AMBRA1: variants seen among roughly 807,000 people sequenced by gnomAD.
AMBRA1 encodes autophagy and beclin 1 regulator 1.
Under a neutral mutation model 125.4 loss-of-function variants are expected in AMBRA1, and 47 were observed. The ratio of observed to expected loss-of-function variants is 0.37; its 90% CI spans 0.30 to 0.48. The LOEUF is 0.48. Among genes scored for constraint, AMBRA1 ranks in the 20% least tolerant of loss-of-function variants. The probability of loss-of-function intolerance (pLI) is 0.99; values close to 1 mark genes in which losing one functional copy is unlikely to be tolerated. For synonymous variants in AMBRA1, 626 were observed against 655.5 expected, an observed-to-expected ratio of 0.95 and a Z score of 0.69; for missense variants, 1,331 against 1,693.4, an observed-to-expected ratio of 0.79 and a Z score of 3.76.
intron 9 of AMBRA1, among the ~76,000 whole-genome samples, chr11:46,502,031 T>A (rs1413213536): frequency 6.6e-6 from 1 of 152,190 alleles, no homozygotes; most frequent in Non-Finnish European, 1.5e-5. Context: ...CTACAAAAAT[T>A]ATCTGGAAAA....
chr11:46,584,872 G>C (rs1455946928), intron 1 of AMBRA1, among the ~76,000 whole-genome samples: 1 of 152,168 alleles, frequency 6.6e-6, no homozygotes, highest in Non-Finnish European at 1.5e-5. Context: ...AGGAGTTCAA[G>C]ACCAGACTGG....
intron 7 of AMBRA1, among the ~76,000 whole-genome samples, chr11:46,528,439 G>A (rs1238987520): frequency 6.6e-6 from 1 of 152,194 alleles, no homozygotes; most frequent in African/African-American, 2.4e-5. Context: ...CCAAAGTGCT[G>A]GGATTACAGG....
At position 46,518,118 on chromosome 11, in the gene AMBRA1, T is replaced by C. The variant is rs569946454; in HGVS notation, c.2073-5305A>G. On this transcript the variant is annotated intron_variant, in intron 7 of 17. Coordinates refer to ENST00000683756, the MANE Select transcript of AMBRA1 (RefSeq NM_001387011.1). ...AAGTAAAATACTGAAAAGAAAGAGA[T>C]AGCCATTTGTTTTCAGAAGAATTAC... 1.9e-5 allele frequency: 19 copies of C among 984,880 alleles called. No individual in the cohort carries two copies. The East Asian group carries it at 6.8e-4, about 35-fold the overall frequency. The allele number at this position is 984,880 out of a possible 1,614,324, so 61.0% of individuals were successfully genotyped here.
At chr11:46,439,644 T>G (rs937010093) in intron 12 of AMBRA1, among the ~76,000 whole-genome samples, 1 of 152,226 alleles carries the variant, frequency 6.6e-6, no homozygotes, top group South Asian at 2.1e-4. Context: ...TTGTATAATT[T>G]TGACTCCTTA....
At chr11:46,465,009 A>C (rs545033959) in intron 11 of AMBRA1, among the ~76,000 whole-genome samples, 3 of 152,190 alleles carry the variant, frequency 2.0e-5, no homozygotes, top group South Asian at 4.1e-4. Flanking sequence ...GCGCCACCGC[A>C]CTCCAGCCTG....
intron 14 of AMBRA1, among the ~76,000 whole-genome samples, chr11:46,423,385 T>A (rs1946941993): frequency 3.3e-5 from 5 of 152,052 alleles, no homozygotes; most frequent in Admixed American, 3.3e-4. Context: ...TTATAATTTT[T>A]ATTATTTTAT....
intron 17 of AMBRA1, among the ~76,000 whole-genome samples, chr11:46,400,133 C>G (rs1331283478): frequency 6.6e-6 from 1 of 152,136 alleles, no homozygotes; most frequent in Admixed American, 6.6e-5. Context: ...AGGGTGAGAA[C>G]CAGGCCAAGA....
chr11:46,557,714 GGGA>G (rs1406298949), intron 1 of AMBRA1, among the ~76,000 whole-genome samples: 1 of 151,988 alleles, frequency 6.6e-6, no homozygotes, highest in East Asian at 1.9e-4. Context: ...AGGCTGAGGT[GGGA>G]GGATAGCCTG....
intron 1 of AMBRA1, among the ~76,000 whole-genome samples, chr11:46,559,070 C>T (rs2043246731): frequency 1.3e-5 from 2 of 152,074 alleles, no homozygotes; most frequent in Non-Finnish European, 1.5e-5. Flanking sequence ...GAGGCTGAGT[C>T]GGGTGGATCA....
At chr11:46,432,262 G>A (rs1947490520) in intron 14 of AMBRA1, among the ~76,000 whole-genome samples, 1 of 152,170 alleles carries the variant, frequency 6.6e-6, no homozygotes, top group Admixed American at 6.5e-5. Flanking sequence ...ATAGCACAAG[G>A]AACGAGTGAT....
chr11:46,459,122 GAAT>G (rs983414757), intron 11 of AMBRA1, among the ~76,000 whole-genome samples: 2 of 152,144 alleles, frequency 1.3e-5, no homozygotes, highest in African/African-American at 2.4e-5. Context: ...CCACTACTAA[GAAT>G]AAAGCAGATC....
chr11:46,593,810 G>A lies in AMBRA1; in HGVS notation c.-121+18C>T. ...GAAGGATGCCGGGCTGGGCCTCCCAGGCTCCTCCTGGGCCTACCTGCAAGG... is the reference window on the plus strand; with the variant it reads ...GAAGGATGCCGGGCTGGGCCTCCCAAGCTCCTCCTGGGCCTACCTGCAAGG... On this transcript the variant is annotated intron_variant, in intron 1 of 17. Coordinates refer to ENST00000683756, the MANE Select transcript of AMBRA1 (RefSeq NM_001387011.1). 1 of 395,632 alleles carries A rather than the reference G, an allele frequency of 2.5e-6. No individual in the cohort carries two copies. The highest frequency in any genetic ancestry group is 4.4e-6 in the Non-Finnish European group (1 of 224,734). 24.5% of individuals were successfully genotyped at this position (395,632 alleles called of 1,614,324 possible).
chr11:46,403,955 T>A (rs1170629732), intron 17 of AMBRA1, among the ~76,000 whole-genome samples: 1 of 152,170 alleles, frequency 6.6e-6, no homozygotes, highest in South Asian at 2.1e-4. Context: ...ATCCCAGTAC[T>A]TTGGGAGGCC....
intron 7 of AMBRA1, among the ~76,000 whole-genome samples, chr11:46,528,005 C>A (rs1952052798): frequency 6.6e-6 from 1 of 152,128 alleles, no homozygotes; most frequent in African/African-American, 2.4e-5. Flanking sequence ...TATTTGCACA[C>A]CCATGTTCAT....
chr11:46,402,100 T>C (rs913253555), intron 17 of AMBRA1, among the ~76,000 whole-genome samples: 2 of 152,232 alleles, frequency 1.3e-5, no homozygotes, highest in African/African-American at 2.4e-5. Context: ...TAGAAGGGGA[T>C]GCTCCTTCTC....
At chr11:46,504,356 T>A (rs1950954732) in intron 9 of AMBRA1, 1 of 152,178 alleles carries the variant, frequency 6.6e-6, no homozygotes, top group Non-Finnish European at 1.5e-5. Flanking sequence ...GCCCCCTCCC[T>A]CTTTCCAAAG....
intron 17 of AMBRA1, among the ~76,000 whole-genome samples, chr11:46,405,346 A>T (rs1424739510): frequency 6.6e-6 from 1 of 152,186 alleles, no homozygotes; most frequent in East Asian, 1.9e-4. Context: ...TCCTCATGGA[A>T]GGACAGAGAG....
At chr11:46,427,987 CGACAGAGGGA>C (rs1462719081) in intron 14 of AMBRA1, among the ~76,000 whole-genome samples, 1 of 121,440 alleles carries the variant, frequency 8.2e-6, no homozygotes, top group African/African-American at 3.1e-5. Context: ...CCTGCCTGGG[CGACAGAGGGA>C]GACTCCATGT....
intron 11 of AMBRA1, among the ~76,000 whole-genome samples, chr11:46,458,589 T>C (rs1948951606): frequency 6.6e-6 from 1 of 152,186 alleles, no homozygotes; most frequent in South Asian, 2.1e-4. Context: ...CTTCATATAA[T>C]ATTTTTTAAG....
Sources: gnomAD v4.1 joint callset for allele counts (sites outside exome capture counted in the v4.1 genomes callset) on GRCh38, gnomAD v4.1.1 for gene constraint, MANE v1.5 for transcripts, NCBI Gene and HGNC (gene_info 2026-07-23, HGNC 2026-07-21) for gene names.